HSPA4: variants seen among roughly 807,000 people sequenced by gnomAD.
HSPA4 encodes heat shock protein family A (Hsp70) member 4, also known as heat shock 70 kDa protein 4.
Under a neutral mutation model 106.2 loss-of-function variants are expected in HSPA4, and 25 were observed. That is an observed-to-expected ratio of 0.24 (90% CI 0.17 to 0.33). HSPA4 has a LOEUF of 0.33. Ranked by LOEUF, HSPA4 falls within the 10% of genes least tolerant of loss-of-function variation. The probability of loss-of-function intolerance (pLI) is 1.00; values close to 1 mark genes in which losing one functional copy is unlikely to be tolerated. For synonymous variants in HSPA4, 332 were observed against 333.6 expected (o/e 1.00, Z 0.05); for missense variants, 841 against 996.0 (o/e 0.84, Z 2.10).
Position 133,086,580 on chromosome 5 carries a change from G to T in HSPA4, c.909-202G>T, listed in dbSNP as rs114471317. ...CTGAATCATATGCTAACTCTCTAAC[G>T]TCTTGAGGAACTGCCAAACACTTTT... On this transcript the variant is annotated intron_variant, in intron 7 of 18. Transcript: ENST00000304858. Among the ~76,000 whole-genome samples, 1,006 of 152,254 alleles carry T rather than the reference G, an allele frequency of 6.6e-3. 9 individuals are homozygous for T. Among genetic ancestry groups the T allele is most frequent in the African/African-American group, 0.023 (975 of 41,542 alleles).
intron 17 of HSPA4, 43 bp downstream of exon 17, chr5:133,101,921 CTTTT>C (rs60177569): frequency 0.01 from 7,194 of 713,580 alleles, no homozygotes; most frequent in East Asian, 0.033. Flanking sequence ...GTAAAGTTAA[CTTTT>C]TTTTTTTTTT....
chr5:133,074,236 T>TA, intron 6 of HSPA4, 110 bp downstream of exon 6: 1 of 615,878 alleles, frequency 1.6e-6, no homozygotes, highest in Non-Finnish European at 2.7e-6. Flanking sequence ...ATGCATACCT[T>TA]ACAGGGTTAT....
At chr5:133,074,227 T>C (rs543333439) in intron 6 of HSPA4, 101 bp downstream of exon 6, 1 of 702,560 alleles carries the variant, frequency 1.4e-6, no homozygotes, top group African/African-American at 1.8e-5. Flanking sequence ...GGAGAAACAA[T>C]GCATACCTTA....
rs376674269 is a variant in HSPA4, at chr5:133,076,945, C to T, written c.908+47C>T. 42 of 1,458,096 alleles carry T rather than the reference C, an allele frequency of 2.9e-5. No homozygotes were observed. The African/African-American group carries it at 3.1e-4, about 11-fold the overall frequency. 90.3% of individuals were successfully genotyped at this position (1,458,096 alleles called of 1,614,324 possible). ...TGTTAAAGTGAAGAGTGAGTTTTCT[C>T]CACATATATTAACCTTTAATTGGCT... is the stretch of plus-strand genomic sequence containing the variant. On this transcript the variant is annotated intron_variant, in intron 7 of 18. Transcript: ENST00000304858.
At chr5:133,082,343 C>T (rs895426194) in intron 7 of HSPA4, among the ~76,000 whole-genome samples, 1 of 152,006 alleles carries the variant, frequency 6.6e-6, no homozygotes, top group African/African-American at 2.4e-5. Flanking sequence ...TTGATTGTGG[C>T]GATGCTTGCA....
intron 3 of HSPA4, among the ~76,000 whole-genome samples, chr5:133,068,711 GAGAA>G (rs1765343268): frequency 6.6e-6 from 1 of 152,154 alleles, no homozygotes; most frequent in South Asian, 2.1e-4. Context: ...GCACAGGAGA[GAGAA>G]AGGGGTTAAA....
At chr5:133,088,971 G>A (rs1765612165) in intron 9 of HSPA4, 84 bp from the exon 10 acceptor site, 2 of 639,906 alleles carry the variant, frequency 3.1e-6, no homozygotes, top group Non-Finnish European at 5.3e-6. Context: ...TTGATTTTCT[G>A]AAGTAATTTG....
In HSPA4 at chr5:133,067,521, T is replaced by C. The variant is rs746775892; in HGVS notation, c.270T>C (p.Asp90=). ...CAGAAAAATCTAACCTTGCATATGA[T>C]ATTGTGCAGTTGCCTACAGGATTAA... The part of the protein sequence containing the change: ...VEAEKSNLAY[D]IVQLPTGLTG... Residue 90 remains aspartate, a synonymous_variant, in exon 3 of 19, where the codon GAT becomes GAC. Transcript: ENST00000304858. 8.1e-6 allele frequency: 13 copies of C among 1,613,826 alleles called. No individual in the cohort carries two copies. The South Asian group carries it at 1.3e-4, about 16-fold the overall frequency.
Position 133,074,184 on chromosome 5 carries a change from G to GAGA in HSPA4, c.663+59_663+61dup, listed in dbSNP as rs1765419469. ...AGTAGTATGGTAATTATGAAATTTT[G>GAGA]AGAGACAATGATTTTTTCTCATCTA... On this transcript the variant is annotated intron_variant, in intron 6 of 18. Transcript: ENST00000304858. 1.8e-5 allele frequency: 21 copies of GAGA among 1,167,572 alleles called. No individual in the cohort carries two copies. The Middle Eastern group carries it at 2.5e-3, about 141-fold the overall frequency. The allele number at this position is 1,167,572 out of a possible 1,614,324, so 72.3% of individuals were successfully genotyped here. A position where few individuals can be genotyped will look rare whatever the true frequency, so the allele number is the denominator to read the frequency against.
chr5:133,106,110 T>A lies in HSPA4; in HGVS notation c.*1674T>A, dbSNP rs536649341. 2.8e-3 allele frequency: 117 copies of A among 41,762 alleles called. 1 individual carries two copies. Among genetic ancestry groups the A allele is most frequent in the Non-Finnish European group, 4.3e-3 (103 of 23,712 alleles). 2.6% of individuals were successfully genotyped at this position (41,762 alleles called of 1,614,324 possible). ...TTCTTAAAAAAAAAAAAATTTTTTTTTTTTTTTTTTTTTTTTTTTTTTTTT... is the reference window on the plus strand; with the variant it reads ...TTCTTAAAAAAAAAAAAATTTTTTTATTTTTTTTTTTTTTTTTTTTTTTTT... On this transcript the variant is annotated 3_prime_UTR_variant, in exon 19 of 19. Transcript: ENST00000304858.
intron 17 of HSPA4, among the ~76,000 whole-genome samples, chr5:133,102,610 C>G (rs1289538552): frequency 2.6e-5 from 4 of 152,142 alleles, no homozygotes; most frequent in Non-Finnish European, 5.9e-5. Flanking sequence ...TGTCATTTAG[C>G]CAGAAGTCTG....
intron 7 of HSPA4, among the ~76,000 whole-genome samples, chr5:133,080,416 T>TCAA (rs1250099037): frequency 1.7e-5 from 1 of 59,408 alleles, no homozygotes; most frequent in African/African-American, 1.1e-4. Flanking sequence ...AGACCCTGTC[T>TCAA]CAAAAAAAAA....
intron 1 of HSPA4, among the ~76,000 whole-genome samples, chr5:133,053,328 C>CTTTTTTTTTTTTTTTTTTTTTTTTTTTT: frequency 7.7e-6 from 1 of 129,244 alleles, no homozygotes; most frequent in South Asian, 2.4e-4. Flanking sequence ...GGTCTCTCTT[C>CTTTTTTTTTTTTTTTTTTTTTTTTTTTT]TTTTTTTTTT....
At chr5:133,066,113 C>T (rs1363287422) in intron 2 of HSPA4, among the ~76,000 whole-genome samples, 2 of 152,310 alleles carry the variant, frequency 1.3e-5, no homozygotes, top group South Asian at 2.1e-4. Flanking sequence ...TTGAGCAAAT[C>T]GCTCCTGTTT....
chr5:133,102,605 T>C (rs1765801442), intron 17 of HSPA4, among the ~76,000 whole-genome samples: 1 of 152,222 alleles, frequency 6.6e-6, no homozygotes. Flanking sequence ...AGAACTGTCA[T>C]TTAGCCAGAA....
intron 7 of HSPA4, among the ~76,000 whole-genome samples, chr5:133,079,201 A>T (rs1389841575): frequency 1.3e-5 from 2 of 152,232 alleles, no homozygotes; most frequent in Non-Finnish European, 2.9e-5. Context: ...GAATTTAGTA[A>T]ATTCACAGGG....
Position 133,104,541 on chromosome 5 carries a change from A to G in HSPA4, c.*105A>G. 3 of 1,044,658 alleles carry G rather than the reference A, an allele frequency of 2.9e-6. No homozygotes were observed. The highest frequency in any genetic ancestry group is 4.2e-6 in the Non-Finnish European group (3 of 709,926). 64.7% of individuals were successfully genotyped at this position (1,044,658 alleles called of 1,614,324 possible). A position where few individuals can be genotyped will look rare whatever the true frequency, so the allele number is the denominator to read the frequency against. ...AGTGAATACTGAAGATTTCTTAGTC[A>G]GTTTTTAGGGGATTTTCGGGGAGGG... is the stretch of plus-strand genomic sequence containing the variant. On this transcript the variant is annotated 3_prime_UTR_variant, in exon 19 of 19. Coordinates refer to ENST00000304858, the MANE Select transcript of HSPA4 (RefSeq NM_002154.4).
At chr5:133,054,138 A>G (rs1242804100) in intron 1 of HSPA4, among the ~76,000 whole-genome samples, 3 of 152,124 alleles carry the variant, frequency 2.0e-5, no homozygotes, top group Admixed American at 1.3e-4. Context: ...CCAGAAGCCA[A>G]AACGGTAGTT....
At chr5:133,089,284 T>A in intron 10 of HSPA4, 123 bp downstream of exon 10, 1 of 612,574 alleles carries the variant, frequency 1.6e-6, no homozygotes. Flanking sequence ...ATGAAGGAAG[T>A]GGTCATTTAT....
Sources: allele counts gnomAD v4.1 joint callset (sites outside exome capture counted in the v4.1 genomes callset), GRCh38; gene constraint gnomAD v4.1.1; transcripts MANE v1.5; gene names NCBI Gene and HGNC (gene_info 2026-07-23, HGNC 2026-07-21).